Variants in UNC79 observed in about 807,000 individuals in gnomAD.
The protein encoded by UNC79 is unc-79 subunit of NALCN channel complex.
UNC79 carries 37 observed loss-of-function variants against 283.1 expected under a neutral mutation model. That is an observed-to-expected ratio of 0.13 (90% CI 0.10 to 0.17). The LOEUF is 0.17. Ranked by LOEUF, UNC79 falls within the 10% of genes least tolerant of loss-of-function variation. The pLI is 1.00. For synonymous variants in UNC79, 1,107 were observed against 1,200.2 expected (o/e 0.92, Z 1.61); for missense variants, 2,272 against 3,211.1 (o/e 0.71, Z 7.07).
chr14:93,551,702 G>C (rs1038958691), intron 14 of UNC79, among the ~76,000 whole-genome samples: 1 of 152,230 alleles, frequency 6.6e-6, no homozygotes, highest in Non-Finnish European at 1.5e-5. Flanking sequence ...ATACGCATTG[G>C]TGAGGTAGTG....
intron 4 of UNC79, among the ~76,000 whole-genome samples, chr14:93,486,017 TTATC>T (rs2058407281): frequency 6.6e-6 from 1 of 152,248 alleles, no homozygotes; most frequent in South Asian, 2.1e-4. Context: ...CTATTAGAAG[TTATC>T]TATCCTTTTT....
chr14:93,395,127 T>C (rs1431489587), intron 1 of UNC79, among the ~76,000 whole-genome samples: 3 of 152,212 alleles, frequency 2.0e-5, no homozygotes, highest in Non-Finnish European at 4.4e-5. Flanking sequence ...TCCTTGTCGA[T>C]TTCAGTTACT....
At chr14:93,415,603 T>A (rs1236094275) in intron 1 of UNC79, among the ~76,000 whole-genome samples, 3 of 152,018 alleles carry the variant, frequency 2.0e-5, no homozygotes, top group Non-Finnish European at 4.4e-5. Context: ...TGGTAACAGT[T>A]CCTCCTTGTA....
intron 1 of UNC79, among the ~76,000 whole-genome samples, chr14:93,356,510 C>T (rs781237223): frequency 6.6e-6 from 1 of 152,168 alleles, no homozygotes; most frequent in African/African-American, 2.4e-5. Context: ...CCAGAATTGC[C>T]GAATGCAGGG....
At chr14:93,575,082 G>A in exon 17 of UNC79, 1 of 1,613,070 alleles carries the variant, frequency 6.2e-7, no homozygotes, top group Non-Finnish European at 8.5e-7. Flanking sequence ...AGATATCATG[G>A]TTCCACTTCA....
chr14:93,575,617 G>A (rs945089820), intron 17 of UNC79, among the ~76,000 whole-genome samples: 1 of 152,104 alleles, frequency 6.6e-6, no homozygotes, highest in Non-Finnish European at 1.5e-5. Context: ...ACTGGTGACT[G>A]TGAGGGATGC....
chr14:93,354,116 A>G (rs999182211), intron 1 of UNC79, among the ~76,000 whole-genome samples: 1 of 152,192 alleles, frequency 6.6e-6, no homozygotes, highest in African/African-American at 2.4e-5. Context: ...AGAACATCAT[A>G]TATGACACCC....
At chr14:93,454,514 A>G (rs2056743016) in intron 1 of UNC79, among the ~76,000 whole-genome samples, 1 of 152,198 alleles carries the variant, frequency 6.6e-6, no homozygotes, top group Non-Finnish European at 1.5e-5. Context: ...TATAGTTGAC[A>G]TATCAGAAAA....
rs549333991 is a variant in UNC79 at position 93,541,332 on chromosome 14, A to G, written c.1524+501A>G. Among the ~76,000 whole-genome samples, 9 of 152,320 alleles carry G rather than the reference A, an allele frequency of 5.9e-5. No individual in the cohort carries two copies. In the South Asian group the frequency reaches 1.7e-3, roughly 28 times the overall value. On this transcript the variant is annotated intron_variant, in intron 13 of 48. Transcript: ENST00000555664. ...AAGTAATGCAAGGAATATGATTGCT[A>G]TTGACTGATTTAATTTCAACATCTA...
exon 22 of UNC79, chr14:93,586,906 A>C: frequency 2.5e-6 from 4 of 1,613,462 alleles, no homozygotes; most frequent in Non-Finnish European, 3.4e-6. Flanking sequence ...TGTTGATTGC[A>C]AGGTACGTCT....
At chr14:93,551,392 G>C (rs757842878) in intron 14 of UNC79, among the ~76,000 whole-genome samples, 1 of 152,166 alleles carries the variant, frequency 6.6e-6, no homozygotes, top group African/African-American at 2.4e-5. Context: ...TGACATCGGC[G>C]GTAGAGTATA....
At chr14:93,346,250 CGTGCAATA>C (rs2053825393) in intron 1 of UNC79, among the ~76,000 whole-genome samples, 1 of 152,152 alleles carries the variant, frequency 6.6e-6, no homozygotes, top group Admixed American at 6.5e-5. Flanking sequence ...GAGTGTTACT[CGTGCAATA>C]GGCCCCCAAA....
intron 26 of UNC79, 76 bp downstream of exon 27, chr14:93,605,037 T>G: frequency 4.1e-6 from 6 of 1,468,636 alleles, no homozygotes; most frequent in Non-Finnish European, 4.6e-6. Flanking sequence ...GCGGTGTCTC[T>G]AACTGGACCA....
intron 1 of UNC79, among the ~76,000 whole-genome samples, chr14:93,443,423 T>TA (rs2056370046): frequency 1.2e-5 from 1 of 81,106 alleles, no homozygotes; most frequent in Non-Finnish European, 2.7e-5. Flanking sequence ...CTGTCTGACT[T>TA]CTTTTTTTTT....
At chr14:93,609,875 C>T (rs1319042381) in intron 26 of UNC79, among the ~76,000 whole-genome samples, 7 of 152,114 alleles carry the variant, frequency 4.6e-5, no homozygotes, top group Non-Finnish European at 8.8e-5. Context: ...TTGCAAAGCC[C>T]ACTCTGGAGG....
chr14:93,427,252 G>A (rs983936047), upstream of UNC79, among the ~76,000 whole-genome samples: 2 of 151,972 alleles, frequency 1.3e-5, no homozygotes, highest in African/African-American at 2.4e-5. Context: ...AGGTATTTTG[G>A]CATTTTGGGT....
At chr14:93,663,779 A>G (rs2071855003) in intron 40 of UNC79, among the ~76,000 whole-genome samples, 1 of 152,028 alleles carries the variant, frequency 6.6e-6, no homozygotes, top group Non-Finnish European at 1.5e-5. Flanking sequence ...TCACTTAAAA[A>G]TGTAGATCTA....
At chr14:93,364,241 G>A (rs1018668009) in intron 1 of UNC79, among the ~76,000 whole-genome samples, 1 of 152,180 alleles carries the variant, frequency 6.6e-6, no homozygotes, top group East Asian at 1.9e-4. Context: ...AGACCTTCTT[G>A]TGCCCTCTTC....
At chr14:93,485,510 G>C (rs2058373184) in intron 4 of UNC79, among the ~76,000 whole-genome samples, 1 of 152,068 alleles carries the variant, frequency 6.6e-6, no homozygotes, top group Non-Finnish European at 1.5e-5. Flanking sequence ...CTCTCCAGAA[G>C]CATCTTCTTT....
Sources: allele counts gnomAD v4.1 joint callset (sites outside exome capture counted in the v4.1 genomes callset), GRCh38; gene constraint gnomAD v4.1.1; transcripts MANE v1.5; gene names NCBI Gene and HGNC (gene_info 2026-07-23, HGNC 2026-07-21).